The following MAP3K12 variants were observed in gnomAD, a reference collection of about 807,000 sequenced individuals.
MAP3K12 encodes MAPK-upstream kinase.
In MAP3K12, 14 loss-of-function variants were observed where a neutral mutation model predicts 87.5. The observed-to-expected ratio is 0.16, with a 90% confidence interval of 0.11 to 0.25. The LOEUF is 0.25. Among genes scored for constraint, MAP3K12 ranks in the 10% least tolerant of loss-of-function variants. MAP3K12 has a pLI of 1.00. For synonymous variants in MAP3K12, 469 were observed against 452.5 expected (o/e 1.04, Z -0.46); for missense variants, 802 against 1,140.4 (o/e 0.70, Z 4.27).
chr12:53,483,263 CTAAAG>C, intron 10 of MAP3K12, 74 bp from the exon 11 acceptor site: 1 of 1,570,502 alleles, frequency 6.4e-7, no homozygotes, highest in Non-Finnish European at 8.6e-7. Context: ...ACCTTGGACA[CTAAAG>C]TACACATCTC....
upstream of MAP3K12, chr12:53,501,487 C>A (rs1943701361): frequency 6.4e-7 from 1 of 1,558,040 alleles, no homozygotes; most frequent in Non-Finnish European, 8.7e-7. Flanking sequence ...CCGATTCCTT[C>A]AGGGCGAAAA....
In MAP3K12 at chr12:53,486,902, G is replaced by A. The variant is rs557183087; in HGVS notation, c.445+45C>T. On this transcript the variant is annotated intron_variant, in intron 2 of 13. Coordinates refer to ENST00000547488, the MANE Select transcript of MAP3K12 (RefSeq NM_001193511.2). The surrounding 1 kb of genome is among the most constrained non-coding windows in gnomAD (Gnocchi z 4.9). ...TAGCGGAGCTGACCAACAGATCTCG[G>A]GCTCAGGGAAACAGAGAGGAGGCTC... 2 of 1,602,766 alleles carry A rather than the reference G, an allele frequency of 1.2e-6. No homozygotes were observed. Among genetic ancestry groups the A allele is most frequent in the East Asian group, 4.5e-5 (2 of 44,678 alleles).
Position 53,482,333 on chromosome 12 carries a change from C to T in MAP3K12, c.2275G>A (p.Val759Ile). The T allele has an allele frequency of 1.9e-6, 3 of 1,614,060 alleles. No homozygotes were observed. Among genetic ancestry groups the T allele is most frequent in the South Asian group, 1.1e-5 (1 of 91,070 alleles). ...GATGTCAGCTCTACTTCACTGTCTA[C>T]CTCTCCTTCCTCCTCTTCCGATGAG... is the stretch of plus-strand genomic sequence containing the variant. ...GISSEEEEGE[V>I]DSEVELTSSQ... Residue 759 changes from valine (V) to isoleucine (I), a missense_variant, in exon 12 of 14, where the codon GTA (valine) becomes ATA (isoleucine). Physicochemically the swap from Val to Ile is conservative, Grantham distance 29. This residue lies in a region of MAP3K12 where 490 missense variants were observed against 496.6 expected (regional missense o/e 0.99). Coordinates refer to ENST00000547488, the MANE Select transcript of MAP3K12 (RefSeq NM_001193511.2).
Position 53,482,765 on chromosome 12 carries a change from C to T in MAP3K12, c.2038G>A (p.Gly680Ser), listed in dbSNP as rs1189308061. ...PARGDTPPSE[G>S]SAPGSTSPDS... ...GGGCTGGTGGAGCCAGGGGCTGAGC[C>T]CTCACTTGGTGGGGTGTCACCCCGG... is the stretch of plus-strand genomic sequence containing the variant. Residue 680 changes from glycine to serine, a missense_variant, in exon 11 of 14, where the codon GGC becomes AGC. Gly to Ser is a moderately conservative substitution (Grantham distance 56). Coordinates refer to ENST00000547488, the MANE Select transcript of MAP3K12 (RefSeq NM_001193511.2). 6.2e-7 allele frequency: 1 copy of T among 1,613,906 alleles called. No homozygotes were observed. The highest frequency in any genetic ancestry group is 1.3e-5 in the African/African-American group (1 of 75,076).
At chr12:53,498,908 C>CTG (rs71068135) in intron 1 of MAP3K12, among the ~76,000 whole-genome samples, 8 of 108,432 alleles carry the variant, frequency 7.4e-5, no homozygotes, top group Admixed American at 2.0e-4. Context: ...GTCCAGCCTG[C>CTG]TGTGTGTGTG....
chr12:53,485,681 G>A (rs1231859103), intron 4 of MAP3K12: 3 of 591,978 alleles, frequency 5.1e-6, no homozygotes, highest in Non-Finnish European at 5.9e-6. Context: ...TCAGCCTCCT[G>A]AGTAGCTGAG....
In MAP3K12 at chr12:53,485,094, A is replaced by T. The variant is rs1314322388; in HGVS notation, c.1101T>A (p.Ser367Arg). 1 of 1,614,202 alleles carries T rather than the reference A, an allele frequency of 6.2e-7. No homozygotes were observed. The highest frequency in any genetic ancestry group is 1.3e-5 in the African/African-American group (1 of 75,056). ...GCAGGATCTTGAAACCATCTGGGCA[A>T]CTGGAGGGCACGGGCAGATGGAGAC... The part of the protein sequence containing the change: ...SNSLHLPVPS[S>R]CPDGFKILLR... The change falls in exon 6 of 14, where the codon AGT becomes AGA. Residue 367 changes from serine (S) to arginine (R), a missense_variant. Physicochemically the swap from Ser to Arg is moderately radical, Grantham distance 110. Coordinates refer to ENST00000547488, the MANE Select transcript of MAP3K12 (RefSeq NM_001193511.2).
At chr12:53,484,991 C>A (rs1943190873) in intron 6 of MAP3K12, 65 bp downstream of exon 6, 3 of 1,595,326 alleles carry the variant, frequency 1.9e-6, no homozygotes, top group Non-Finnish European at 2.6e-6. Context: ...TTGGTCAGTC[C>A]AGCCCAGTAC....
Position 53,487,703 on chromosome 12 carries a change from G to A in MAP3K12, c.-37-275C>T, listed in dbSNP as rs1592714823. 4 of 342,806 alleles carry A rather than the reference G, an allele frequency of 1.2e-5. No homozygotes were observed. The East Asian group carries it at 1.6e-4, about 13-fold the overall frequency. 21.2% of individuals were successfully genotyped at this position (342,806 alleles called of 1,614,324 possible). A position where few individuals can be genotyped will look rare whatever the true frequency, so the allele number is the denominator to read the frequency against. On this transcript the variant is annotated intron_variant, in intron 1 of 13. Coordinates refer to ENST00000547488, the MANE Select transcript of MAP3K12 (RefSeq NM_001193511.2). ...TATCATTCTCAGGTAACAGCCCCAC[G>A]TGGGTACACACTGGTAAAATATGTC...
intron 1 of MAP3K12, among the ~76,000 whole-genome samples, chr12:53,492,051 G>A (rs1177592701): frequency 1.3e-5 from 2 of 150,590 alleles, no homozygotes; most frequent in Non-Finnish European, 3.0e-5. Context: ...CTCTAGCCTG[G>A]GTGACAGAGC....
At chr12:53,484,175 C>A in intron 7 of MAP3K12, 82 bp downstream of exon 7, 2 of 1,421,658 alleles carry the variant, frequency 1.4e-6, no homozygotes, top group Non-Finnish European at 9.8e-7. Context: ...CCCACTCAAC[C>A]CATTTCCCAG....
chr12:53,491,765 G>T (rs563770085), intron 1 of MAP3K12, among the ~76,000 whole-genome samples: 1 of 147,154 alleles, frequency 6.8e-6, no homozygotes, highest in Non-Finnish European at 1.5e-5. Flanking sequence ...TGCCCACAGG[G>T]CCATAGCTAT....
Position 53,483,029 on chromosome 12 carries a change from G to C in MAP3K12, c.1774C>G (p.Leu592Val), listed in dbSNP as rs746179599. The C allele has an allele frequency of 3.9e-6, 6 of 1,556,414 alleles. No individual in the cohort carries two copies. The East Asian group carries it at 1.1e-4, about 29-fold the overall frequency. ...GGCACAGCTGTACGAAGCCCAGGCA[G>C]GTCCCCACAGCTCCCCTTGGCGCTG... Reference protein sequence around the residue: ...KASAKGSCGDLPGLRTAVPPH... With the variant: ...KASAKGSCGDVPGLRTAVPPH... Residue 592 changes from leucine (L) to valine (V), a missense_variant, in exon 11 of 14, where the codon CTG (leucine) becomes GTG (valine). Physicochemically the swap from Leu to Val is conservative, Grantham distance 32 (BLOSUM62 1). Around this residue, in one of 5 missense-constraint regions of MAP3K12, gnomAD observed 490 missense variants for 496.6 expected, o/e 0.99. Coordinates refer to ENST00000547488, the MANE Select transcript of MAP3K12 (RefSeq NM_001193511.2).
At chr12:53,491,811 C>T (rs575794399) in intron 1 of MAP3K12, among the ~76,000 whole-genome samples, 4 of 151,112 alleles carry the variant, frequency 2.6e-5, no homozygotes, top group Non-Finnish European at 5.9e-5. Flanking sequence ...CAGTGGCTCA[C>T]GCCTGTAATC....
rs780099120 is a variant in MAP3K12 at position 53,483,008 on chromosome 12, C to T, written c.1795G>A (p.Val599Met). The T allele has an allele frequency of 1.3e-6, 2 of 1,567,706 alleles. No homozygotes were observed. The highest frequency in any genetic ancestry group is 4.5e-5 in the East Asian group (2 of 44,500). Residue 599 changes from valine to methionine, a missense_variant, in exon 11 of 14, where the codon GTG (valine) becomes ATG (methionine). Transcript: ENST00000547488. ...GGTCCTCCAGGTTCATGGGGTGGCA[C>T]AGCTGTACGAAGCCCAGGCAGGTCC... ...CGDLPGLRTA[V>M]PPHEPGGPGS...
At chr12:53,497,207 C>A (rs1402159560) in intron 1 of MAP3K12, among the ~76,000 whole-genome samples, 2 of 152,216 alleles carry the variant, frequency 1.3e-5, no homozygotes, top group Non-Finnish European at 2.9e-5. Flanking sequence ...AAATAAAGTT[C>A]TTGGCCCAGG....
At chr12:53,498,634 G>GGAGT (rs1184417059) in intron 1 of MAP3K12, among the ~76,000 whole-genome samples, 30 of 152,142 alleles carry the variant, frequency 2.0e-4, no homozygotes, top group African/African-American at 6.8e-4. Context: ...ATGAGTTTGA[G>GGAGT]GAGTGTTTGT....
chr12:53,480,044 G>A lies in MAP3K12; in HGVS notation c.*1138C>T, dbSNP rs1942954466. Reference sequence around the variant, plus strand: ...TTATAAAACTTGTGCCCAAAAGATTGAGGATTAGACTTTCCGAGGACTTAC... The same window carrying A: ...TTATAAAACTTGTGCCCAAAAGATTAAGGATTAGACTTTCCGAGGACTTAC... On this transcript the variant is annotated 3_prime_UTR_variant, in exon 14 of 14. Transcript: ENST00000547488. 6.6e-6 allele frequency: 1 copy of A among 151,960 alleles called. No homozygotes were observed. The highest frequency in any genetic ancestry group is 1.5e-5 in the Non-Finnish European group (1 of 68,054). The allele number at this position is 151,960 out of a possible 1,614,324, so 9.4% of individuals were successfully genotyped here. A position where few individuals can be genotyped will look rare whatever the true frequency, so the allele number is the denominator to read the frequency against.
In MAP3K12 at chr12:53,483,378, C is replaced by G; in HGVS notation, c.1584G>C (p.Val528=). 1 of 1,614,152 alleles carries G rather than the reference C, an allele frequency of 6.2e-7. No individual in the cohort carries two copies. Among genetic ancestry groups the G allele is most frequent in the Non-Finnish European group, 8.5e-7 (1 of 1,180,024 alleles). ...TGCTATGGGGTGACAGCTTCTGTGG[C>G]ACATTCCTCTTCTTGATAAGCTTCT... is the stretch of plus-strand genomic sequence containing the variant. The part of the protein sequence containing the change: ...TMEKLIKKRN[V]PQKLSPHSKR... The change falls in exon 10 of 14, where the codon GTG becomes GTC. Residue 528 remains valine, a synonymous_variant. Transcript: ENST00000547488.
Sources: gnomAD v4.1 joint callset for allele counts (sites outside exome capture counted in the v4.1 genomes callset) on GRCh38, gnomAD v4.1.1 for gene constraint, gnomAD v4.1.1 regional missense constraint, Gnocchi (gnomAD v3.1) non-coding constraint, MANE v1.5 for transcripts, NCBI Gene and HGNC (gene_info 2026-07-23, HGNC 2026-07-21) for gene names.